The following GRM7 variants were observed in gnomAD, a reference collection of about 807,000 sequenced individuals.
The protein encoded by GRM7 is metabotropic glutamate receptor 7.
Under a neutral mutation model 84.5 loss-of-function variants are expected in GRM7, and 35 were observed. The observed-to-expected ratio is 0.41, with a 90% CI of 0.32 to 0.55. The LOEUF is 0.55. GRM7 is among the 20% of genes least tolerant of loss of function. The probability of loss-of-function intolerance (pLI) is 0.19; values close to 1 mark genes in which losing one functional copy is unlikely to be tolerated. For missense variants in GRM7, 1,003 were observed against 1,194.6 expected (o/e 0.84, Z 2.36); for synonymous variants, 487 against 455.1 (o/e 1.07, Z -0.89).
At position 6,918,856 on chromosome 3, in the gene GRM7, G is replaced by A. The variant is rs562618779; in HGVS notation, c.519+56949G>A. ...TTGGACATACTGCACTTCCAGTCCCGGTTTCCAAATCTAGAGAATGGATTG... is the reference window on the plus strand; with the variant it reads ...TTGGACATACTGCACTTCCAGTCCCAGTTTCCAAATCTAGAGAATGGATTG... On this transcript the variant is annotated intron_variant, in intron 1 of 9. Transcript: ENST00000357716. Among the ~76,000 whole-genome samples the A allele has an allele frequency of 5.3e-5, 8 of 152,212 alleles. No individual in the cohort carries two copies. The South Asian group carries it at 1.2e-3, about 24-fold the overall frequency.
chr3:7,005,765 A>T (rs548015315), intron 1 of GRM7, among the ~76,000 whole-genome samples: 1 of 152,326 alleles, frequency 6.6e-6, no homozygotes, highest in Non-Finnish European at 1.5e-5. Flanking sequence ...ACATCAAGTT[A>T]TTGGCTGGCA....
chr3:6,924,290 T>C (rs572653975), intron 1 of GRM7, among the ~76,000 whole-genome samples: 4 of 152,284 alleles, frequency 2.6e-5, no homozygotes, highest in South Asian at 2.1e-4. Context: ...TTCAAAGAGA[T>C]AGACAAATAT....
chr3:7,141,441 A>C (rs1693941163), intron 1 of GRM7, among the ~76,000 whole-genome samples: 1 of 152,092 alleles, frequency 6.6e-6, no homozygotes, highest in South Asian at 2.1e-4. Flanking sequence ...TGAACAACCA[A>C]ATAGATAAAA....
intron 7 of GRM7, among the ~76,000 whole-genome samples, chr3:7,488,132 T>G (rs1211812621): frequency 6.6e-6 from 1 of 152,210 alleles, no homozygotes; most frequent in African/African-American, 2.4e-5. Context: ...CTTTTTGAAA[T>G]GGGAATATTT....
chr3:7,002,181 G>A (rs998221243), intron 1 of GRM7, among the ~76,000 whole-genome samples: 2 of 152,150 alleles, frequency 1.3e-5, no homozygotes, highest in African/African-American at 4.8e-5. Flanking sequence ...ATTATTAAGA[G>A]AAGGTATTAT....
intron 2 of GRM7, among the ~76,000 whole-genome samples, chr3:7,206,494 C>T (rs776513235): frequency 3.3e-5 from 5 of 152,208 alleles, no homozygotes; most frequent in Middle Eastern, 3.4e-3. Flanking sequence ...GTTTAATAAA[C>T]CTCAGATTTA....
intron 1 of GRM7, among the ~76,000 whole-genome samples, chr3:6,890,506 T>C (rs9855167): frequency 6.6e-6 from 1 of 151,904 alleles, no homozygotes; most frequent in Non-Finnish European, 1.5e-5. Flanking sequence ...AGTCATTTAG[T>C]AGCAGGTTGT....
At chr3:7,482,296 A>G (rs1012361515) in intron 7 of GRM7, among the ~76,000 whole-genome samples, 1 of 152,214 alleles carries the variant, frequency 6.6e-6, no homozygotes, top group Non-Finnish European at 1.5e-5. Context: ...TCTCAATCCC[A>G]TAGACATTAA....
intron 1 of GRM7, among the ~76,000 whole-genome samples, chr3:6,918,655 G>A (rs1235027930): frequency 6.6e-6 from 1 of 152,178 alleles, no homozygotes; most frequent in Non-Finnish European, 1.5e-5. Flanking sequence ...GAATAGTTAA[G>A]TTCCCTAGAG....
chr3:7,221,274 G>GTT (rs1166725758), intron 2 of GRM7, among the ~76,000 whole-genome samples: 1 of 152,036 alleles, frequency 6.6e-6, no homozygotes, highest in Non-Finnish European at 1.5e-5. Flanking sequence ...ACTCTGATAG[G>GTT]TTAAAAGAAG....
intron 4 of GRM7, among the ~76,000 whole-genome samples, chr3:7,412,909 G>A (rs1230872053): frequency 6.6e-6 from 1 of 151,920 alleles, no homozygotes; most frequent in Non-Finnish European, 1.5e-5. Flanking sequence ...TTAACTAATA[G>A]TAATGCTATA....
chr3:7,075,862 G>A (rs1176528322), intron 1 of GRM7, among the ~76,000 whole-genome samples: 1 of 151,922 alleles, frequency 6.6e-6, no homozygotes, highest in Non-Finnish European at 1.5e-5. Flanking sequence ...ATTCTAGAAG[G>A]AATCTTTCAT....
intron 8 of GRM7, among the ~76,000 whole-genome samples, chr3:7,676,948 A>G (rs1700144377): frequency 6.6e-6 from 1 of 152,030 alleles, no homozygotes; most frequent in South Asian, 2.1e-4. Context: ...TCTGTCATTA[A>G]GTGATGCATG....
chr3:7,540,646 T>C (rs114459425), intron 7 of GRM7, among the ~76,000 whole-genome samples: 1,798 of 152,302 alleles, frequency 0.012, 25 homozygotes, highest in African/African-American at 0.037. Context: ...TAGATAGTAG[T>C]GATGGTGCAT....
At chr3:7,688,919 C>T (rs1700688091) in intron 9 of GRM7, among the ~76,000 whole-genome samples, 1 of 152,152 alleles carries the variant, frequency 6.6e-6, no homozygotes, top group Non-Finnish European at 1.5e-5. Flanking sequence ...TTTAAAAGCA[C>T]TCTCAGGTGA....
rs564937591 is a variant in GRM7, at chr3:7,367,912, A to G, written c.1034-47111A>G. ...CCATAAGTATTCCCCAAACCTGACT[A>G]TTAAGGGAAAAGAAACATTAATCCT... On this transcript the variant is annotated intron_variant, in intron 4 of 9. Coordinates refer to ENST00000357716, the MANE Select transcript of GRM7 (RefSeq NM_000844.4). 2.0e-5 allele frequency among the ~76,000 whole-genome samples: 3 copies of G among 149,702 alleles called. No homozygotes were observed. In the East Asian group the frequency reaches 6.0e-4, roughly 30 times the overall value.
intron 1 of GRM7, among the ~76,000 whole-genome samples, chr3:7,104,433 A>G (rs1165040012): frequency 1.3e-5 from 2 of 151,698 alleles, no homozygotes. Flanking sequence ...TGAAGTGACT[A>G]AGACACTCCA....
At chr3:7,615,985 G>A (rs1203561539) in intron 8 of GRM7, among the ~76,000 whole-genome samples, 1 of 151,994 alleles carries the variant, frequency 6.6e-6, no homozygotes, top group Non-Finnish European at 1.5e-5. Context: ...TAGTAGATAA[G>A]TAGATACATA....
At chr3:7,541,509 A>G (rs992994563) in intron 7 of GRM7, among the ~76,000 whole-genome samples, 1 of 152,202 alleles carries the variant, frequency 6.6e-6, no homozygotes, top group South Asian at 2.1e-4. Context: ...CACAGTTTAC[A>G]GAGAAAATCT....
Sources: allele counts gnomAD v4.1 joint callset (sites outside exome capture counted in the v4.1 genomes callset), GRCh38; gene constraint gnomAD v4.1.1; transcripts MANE v1.5; gene names NCBI Gene and HGNC (gene_info 2026-07-23, HGNC 2026-07-21).